Variants in DOCK3 observed in about 807,000 individuals in gnomAD.
The protein encoded by DOCK3 is dedicator of cytokinesis protein 3.
Under a neutral mutation model 265.6 loss-of-function variants are expected in DOCK3, and 60 were observed. The observed-to-expected ratio is 0.23, with a 90% CI of 0.18 to 0.28. DOCK3 has a LOEUF of 0.28. DOCK3 is among the 10% of genes least tolerant of loss of function. The pLI is 1.00. For missense variants in DOCK3, 1,981 were observed against 2,594.3 expected, an observed-to-expected ratio of 0.76 and a Z score of 5.14; for synonymous variants, 881 against 938.0, an observed-to-expected ratio of 0.94 and a Z score of 1.11.
chr3:51,275,898 T>G (rs1454054689), intron 25 of DOCK3, among the ~76,000 whole-genome samples: 1 of 152,182 alleles, frequency 6.6e-6, no homozygotes, highest in African/African-American at 2.4e-5. Context: ...GATACTTATT[T>G]CATGTACTTT....
intron 5 of DOCK3, among the ~76,000 whole-genome samples, chr3:50,946,176 T>C (rs571958772): frequency 6.6e-6 from 1 of 152,188 alleles, no homozygotes; most frequent in South Asian, 2.1e-4. Context: ...TATTTGACTT[T>C]TGTTGCTATT....
chr3:51,256,591 T>C (rs1340711671), intron 22 of DOCK3, among the ~76,000 whole-genome samples: 1 of 146,682 alleles, frequency 6.8e-6, no homozygotes, highest in Non-Finnish European at 1.5e-5. Flanking sequence ...GTTTTCGTTT[T>C]TGTTTTTTTT....
intron 44 of DOCK3, 32 bp from the exon 45 acceptor site, chr3:51,357,724 AAG>A (rs1257703147): frequency 2.5e-6 from 4 of 1,611,146 alleles, no homozygotes; most frequent in Admixed American, 1.7e-5. Flanking sequence ...TAGTCCTGGG[AAG>A]AGTCTTCCTG....
At chr3:51,375,642 T>A in intron 50 of DOCK3, 106 bp from the exon 51 acceptor site, 1 of 1,297,120 alleles carries the variant, frequency 7.7e-7, no homozygotes, top group Non-Finnish European at 1.1e-6. Flanking sequence ...TGCTTTGTTT[T>A]CCCCGTCTGA....
At chr3:51,019,765 T>C (rs913679252) in intron 5 of DOCK3, among the ~76,000 whole-genome samples, 29 of 151,954 alleles carry the variant, frequency 1.9e-4, no homozygotes, top group Non-Finnish European at 3.1e-4. Flanking sequence ...CTGAAGGTAA[T>C]GGCTTCCAAC....
chr3:51,069,145 G>T (rs548914638), intron 6 of DOCK3, among the ~76,000 whole-genome samples: 3 of 152,208 alleles, frequency 2.0e-5, no homozygotes, highest in African/African-American at 7.2e-5. Context: ...TTATTAAATT[G>T]TATCAGATAG....
intron 30 of DOCK3, 65 bp downstream of exon 30, chr3:51,312,641 A>G (rs2083146275): frequency 6.9e-7 from 1 of 1,444,654 alleles, no homozygotes; most frequent in Non-Finnish European, 9.4e-7. Flanking sequence ...TTTCGTTGAG[A>G]GTTCTTTCAG....
chr3:51,000,142 C>T (rs1050621855), intron 5 of DOCK3, among the ~76,000 whole-genome samples: 3 of 152,174 alleles, frequency 2.0e-5, no homozygotes, highest in African/African-American at 7.2e-5. Flanking sequence ...TGGAATCTTT[C>T]TCAGGTTTTT....
chr3:51,062,568 A>G (rs531755580), intron 5 of DOCK3, among the ~76,000 whole-genome samples: 1 of 152,294 alleles, frequency 6.6e-6, no homozygotes, highest in East Asian at 1.9e-4. Context: ...TTTTCTTTTT[A>G]TAATTTATCA....
rs1207822557 is a variant in DOCK3 at position 51,036,975 on chromosome 3, A to T, written c.316-27473A>T. Among the ~76,000 whole-genome samples the T allele has an allele frequency of 2.6e-5, 4 of 152,316 alleles. No homozygotes were observed. In the East Asian group the frequency reaches 5.8e-4, roughly 22 times the overall value. On this transcript the variant is annotated intron_variant, in intron 5 of 52. Coordinates refer to ENST00000266037, the MANE Select transcript of DOCK3 (RefSeq NM_004947.5). ...TCTGCCATGATTGTGAGGCTTCCCC[A>T]GCCATGTGGAACTGTAAGTCCATTA...
chr3:51,312,784 C>T, intron 30 of DOCK3, 60 bp from the exon 31 acceptor site: 2 of 1,534,984 alleles, frequency 1.3e-6, no homozygotes, highest in Non-Finnish European at 1.8e-6. Flanking sequence ...CATGGGTTTG[C>T]AGCCCTATCC....
chr3:51,146,980 G>T (rs1432993810), intron 10 of DOCK3, among the ~76,000 whole-genome samples: 1 of 152,080 alleles, frequency 6.6e-6, no homozygotes, highest in Non-Finnish European at 1.5e-5. Flanking sequence ...TGGGCATGTG[G>T]CGTGTGTCTG....
intron 27 of DOCK3, among the ~76,000 whole-genome samples, chr3:51,292,996 A>G (rs1449429725): frequency 6.6e-6 from 1 of 152,218 alleles, no homozygotes; most frequent in East Asian, 1.9e-4. Flanking sequence ...AAATGGACAG[A>G]TATCTCATGT....
intron 22 of DOCK3, among the ~76,000 whole-genome samples, chr3:51,254,315 A>G (rs899786193): frequency 6.6e-5 from 10 of 152,150 alleles, no homozygotes; most frequent in Admixed American, 2.0e-4. Context: ...AATAAGTGCA[A>G]TGTGGTGCTG....
chr3:51,345,836 T>C (rs1391280585), intron 38 of DOCK3, among the ~76,000 whole-genome samples: 2 of 152,232 alleles, frequency 1.3e-5, no homozygotes, highest in Non-Finnish European at 2.9e-5. Flanking sequence ...CAAAGAGTAT[T>C]CTTACAAATA....
chr3:50,884,753 T>G (rs929575778), intron 3 of DOCK3, among the ~76,000 whole-genome samples: 2 of 152,138 alleles, frequency 1.3e-5, no homozygotes, highest in African/African-American at 4.8e-5. Context: ...ACTTTTTTTT[T>G]TAAAGAGTTT....
intron 2 of DOCK3, among the ~76,000 whole-genome samples, chr3:50,786,519 G>C (rs1215227364): frequency 6.6e-6 from 1 of 152,160 alleles, no homozygotes; most frequent in Non-Finnish European, 1.5e-5. Flanking sequence ...ACTAACACAT[G>C]GGAACTTATC....
At chr3:50,937,139 T>TG (rs1327617686) in intron 5 of DOCK3, among the ~76,000 whole-genome samples, 1 of 151,766 alleles carries the variant, frequency 6.6e-6, no homozygotes, top group Non-Finnish European at 1.5e-5. Flanking sequence ...TAGCTAGACA[T>TG]GGTGGTGCAT....
At chr3:51,323,325 G>A (rs1255067068) in intron 32 of DOCK3, among the ~76,000 whole-genome samples, 3 of 152,140 alleles carry the variant, frequency 2.0e-5, no homozygotes, top group Non-Finnish European at 2.9e-5. Context: ...AGGATATCCA[G>A]GACTTGAACT....
Sources: allele counts gnomAD v4.1 joint callset (sites outside exome capture counted in the v4.1 genomes callset), GRCh38; gene constraint gnomAD v4.1.1; transcripts MANE v1.5; gene names NCBI Gene and HGNC (gene_info 2026-07-23, HGNC 2026-07-21).